Variants in RBM6 observed in about 807,000 individuals in gnomAD.
RBM6 encodes the protein RNA binding motif protein 6.
RBM6 carries 23 observed loss-of-function variants against 140.4 expected under a neutral mutation model. The ratio of observed to expected loss-of-function variants is 0.16; its 90% CI spans 0.12 to 0.23. The LOEUF is 0.23. RBM6 is among the 10% of genes least tolerant of loss of function. The pLI is 1.00. For missense variants in RBM6, 1,139 were observed against 1,386.7 expected (o/e 0.82, Z 2.84); for synonymous variants, 439 against 475.6 (o/e 0.92, Z 1.00).
Position 49,968,378 on chromosome 3 carries a change from A to T in RBM6, c.953A>T (p.His318Leu). The T allele has an allele frequency of 6.2e-7, 1 of 1,614,228 alleles. No individual in the cohort carries two copies. Among genetic ancestry groups the T allele is most frequent in the Non-Finnish European group, 8.5e-7 (1 of 1,180,040 alleles). The part of the protein sequence containing the change: ...MNVNRREEST[H>L]DHTIERPAFG... ...GTGAACAGGAGAGAAGAATCCACACATGACCATACGATAGAAAGGCCTGCT... is the reference window on the plus strand; with the variant it reads ...GTGAACAGGAGAGAAGAATCCACACTTGACCATACGATAGAAAGGCCTGCT... The change falls in exon 3 of 21, where the codon CAT (histidine) becomes CTT (leucine). Residue 318 changes from histidine to leucine, a missense_variant. His to Leu is a moderately conservative substitution (Grantham distance 99, BLOSUM62 -3). Transcript: ENST00000266022.
chr3:49,995,968 T>C, intron 5 of RBM6, among the ~76,000 whole-genome samples: 1 of 152,154 alleles, frequency 6.6e-6, no homozygotes, highest in Non-Finnish European at 1.5e-5. Flanking sequence ...TGGTATACAG[T>C]TGTGTTGCAT....
At chr3:50,040,522 GTATA>G (rs776376506) in intron 6 of RBM6, among the ~76,000 whole-genome samples, 3 of 137,380 alleles carry the variant, frequency 2.2e-5, no homozygotes, top group Non-Finnish European at 3.1e-5. Flanking sequence ...ACACACGTGT[GTATA>G]TATATACACA....
chr3:50,043,718 G>C (rs1471915956), intron 6 of RBM6, among the ~76,000 whole-genome samples: 1 of 150,942 alleles, frequency 6.6e-6, no homozygotes, highest in African/African-American at 2.4e-5. Context: ...CGAGTAGCTG[G>C]GATTACAAGC....
At chr3:49,976,326 C>G (rs1364765035) in intron 5 of RBM6, among the ~76,000 whole-genome samples, 1 of 152,060 alleles carries the variant, frequency 6.6e-6, no homozygotes, top group Non-Finnish European at 1.5e-5. Context: ...GGAAAATTAT[C>G]CACAAAATAA....
intron 6 of RBM6, among the ~76,000 whole-genome samples, chr3:50,040,182 C>CA (rs2088798746): frequency 6.6e-6 from 1 of 152,066 alleles, no homozygotes; most frequent in Non-Finnish European, 1.5e-5. Flanking sequence ...TGCCCTGGCT[C>CA]ACGCCTGTAA....
At chr3:50,032,438 C>T (rs2088226336) in intron 6 of RBM6, among the ~76,000 whole-genome samples, 2 of 144,828 alleles carry the variant, frequency 1.4e-5, no homozygotes, top group Non-Finnish European at 3.0e-5. Context: ...GAGCGAAGGT[C>T]GTGCCATTGC....
chr3:49,967,622 C>A lies in RBM6; in HGVS notation c.197C>A (p.Ala66Glu), dbSNP rs780838188. ...DFQGHSGPPF[A>E]NVEEHSFSYG... ...CAGGGGCATTCGGGGCCTCCTTTTG[C>A]AAATGTAGAGGAGCATTCTTTCAGC... The change falls in exon 3 of 21, where the codon GCA (alanine) becomes GAA (glutamate). Residue 66 changes from alanine (A) to glutamate (E), a missense_variant. Transcript: ENST00000266022. This position sits in a 1 kb window ranked among gnomAD's most constrained non-coding sequence, Gnocchi z 4.0. The A allele has an allele frequency of 6.2e-7, 1 of 1,614,018 alleles. No individual in the cohort carries two copies. Among genetic ancestry groups the A allele is most frequent in the Non-Finnish European group, 8.5e-7 (1 of 1,180,024 alleles).
At chr3:50,013,966 A>G (rs1247085292) in intron 6 of RBM6, among the ~76,000 whole-genome samples, 4 of 152,180 alleles carry the variant, frequency 2.6e-5, no homozygotes, top group Admixed American at 6.5e-5. Flanking sequence ...GAATAGAGCC[A>G]GGGATGCTGC....
rs1456362072 is a variant in RBM6, at chr3:50,057,801, A to G, written c.1767A>G (p.Lys589=). The change falls in exon 9 of 21, where the codon AAA becomes AAG. Residue 589 remains lysine, a synonymous_variant. Transcript: ENST00000266022. ...CATCCATACCAGCACCATTGGAAAA[A>G]CAGCCCAACCAGCCCCTAAGACCAG... ...QKTSIPAPLE[K]QPNQPLRPAD... 1 of 1,613,932 alleles carries G rather than the reference A, an allele frequency of 6.2e-7. No homozygotes were observed. Among genetic ancestry groups the G allele is most frequent in the Admixed American group, 1.7e-5 (1 of 59,978 alleles).
intron 6 of RBM6, among the ~76,000 whole-genome samples, chr3:50,034,125 C>G (rs562909586): frequency 1.5e-5 from 2 of 131,506 alleles, no homozygotes; most frequent in East Asian, 4.6e-4. Flanking sequence ...CAGGGTTTCA[C>G]TCTTGTTGCC....
At chr3:50,029,571 A>G (rs1387096753) in intron 6 of RBM6, among the ~76,000 whole-genome samples, 1 of 152,060 alleles carries the variant, frequency 6.6e-6, no homozygotes, top group Non-Finnish European at 1.5e-5. Flanking sequence ...CGTCTCTACT[A>G]AAAATACAAA....
At chr3:49,986,616 A>T (rs1326772511) in intron 5 of RBM6, among the ~76,000 whole-genome samples, 4 of 149,900 alleles carry the variant, frequency 2.7e-5, no homozygotes, top group Non-Finnish European at 1.5e-5. Context: ...AAAACAAAAC[A>T]AAAAAAAACC....
intron 1 of RBM6, among the ~76,000 whole-genome samples, chr3:49,957,225 C>T (rs1184675058): frequency 1.3e-5 from 2 of 152,034 alleles, no homozygotes; most frequent in African/African-American, 4.8e-5. Context: ...CTCAAGCAAT[C>T]GGCTTCCTGA....
intron 6 of RBM6, among the ~76,000 whole-genome samples, chr3:50,037,914 C>G (rs1008557932): frequency 4.6e-5 from 7 of 151,566 alleles, no homozygotes; most frequent in African/African-American, 1.7e-4. Context: ...CTCCACCTCC[C>G]AGGTTCAGGT....
At chr3:49,961,886 T>C (rs562683365) in intron 1 of RBM6, among the ~76,000 whole-genome samples, 2 of 151,966 alleles carry the variant, frequency 1.3e-5, no homozygotes, top group South Asian at 4.2e-4. Context: ...CTGGATGCGG[T>C]GGCTCATGCC....
chr3:50,043,773 G>A (rs1031878632), intron 6 of RBM6, among the ~76,000 whole-genome samples: 4 of 151,924 alleles, frequency 2.6e-5, no homozygotes, highest in South Asian at 2.1e-4. Context: ...TAGTAGAGAC[G>A]GGATTTCACC....
chr3:50,011,866 T>TTTG (rs2086866867), intron 6 of RBM6, among the ~76,000 whole-genome samples: 1 of 143,984 alleles, frequency 6.9e-6, no homozygotes. Context: ...TTTCTTTTTT[T>TTTG]CTGGGACACA....
chr3:50,060,991 A>C lies in RBM6; in HGVS notation c.2264A>C (p.Tyr755Ser), dbSNP rs759986993. 1.1e-5 allele frequency: 18 copies of C among 1,589,380 alleles called. No homozygotes were observed. The highest frequency in any genetic ancestry group is 1.8e-5 in the Admixed American group (1 of 55,596). Residue 755 changes from tyrosine (Y) to serine (S), a missense_variant, in exon 12 of 21, where the codon TAC becomes TCC. Coordinates refer to ENST00000266022, the MANE Select transcript of RBM6 (RefSeq NM_005777.3). Reference sequence around the variant, plus strand: ...GGGGACCATTCTGACCACATGCATTACTATCAGGTAGGCTGTAACAGGTGG... The same window carrying C: ...GGGGACCATTCTGACCACATGCATTCCTATCAGGTAGGCTGTAACAGGTGG... ...DSGDHSDHMHYYQGKKYFRDR... is the reference protein window; with the variant it reads ...DSGDHSDHMHSYQGKKYFRDR...
chr3:50,002,197 C>T (rs1359763934), intron 6 of RBM6, among the ~76,000 whole-genome samples: 1 of 152,090 alleles, frequency 6.6e-6, no homozygotes, highest in Non-Finnish European at 1.5e-5. Context: ...CAGAGATCCT[C>T]CTGTCTCAGC....
Sources: allele counts gnomAD v4.1 joint callset (sites outside exome capture counted in the v4.1 genomes callset), GRCh38; gene constraint gnomAD v4.1.1; non-coding constraint Gnocchi (gnomAD v3.1); transcripts MANE v1.5; gene names NCBI Gene and HGNC (gene_info 2026-07-23, HGNC 2026-07-21).